The following SIGLEC15 variants were observed in gnomAD, a reference collection of about 807,000 sequenced individuals.
The protein encoded by SIGLEC15 is sialic acid-binding Ig-like lectin 15.
SIGLEC15 carries 31 observed loss-of-function variants against 26.2 expected under a neutral mutation model. That is an observed-to-expected ratio of 1.18 (90% CI 0.89 to 1.60). The LOEUF is 1.60. Among genes scored for constraint, SIGLEC15 ranks in the 40% most tolerant of loss-of-function variants. The probability of loss-of-function intolerance (pLI) is 0.00; values close to 1 mark genes in which losing one functional copy is unlikely to be tolerated. For synonymous variants in SIGLEC15, 207 were observed against 221.9 expected (o/e 0.93, Z 0.60); for missense variants, 501 against 488.4 (o/e 1.03, Z -0.24).
intron 1 of SIGLEC15, among the ~76,000 whole-genome samples, chr18:45,833,480 T>C (rs2145047839): frequency 6.6e-6 from 1 of 152,114 alleles, no homozygotes; most frequent in South Asian, 2.1e-4. Context: ...GCCTCACTTA[T>C]TTTTGTATTT....
intron 1 of SIGLEC15, among the ~76,000 whole-genome samples, chr18:45,836,138 G>T (rs893217643): frequency 6.6e-6 from 1 of 152,184 alleles, no homozygotes; most frequent in African/African-American, 2.4e-5. Flanking sequence ...TCCTGCCCAA[G>T]GAGCAAATTG....
Position 45,842,313 on chromosome 18 carries a change from C to T in SIGLEC15, c.*126C>T, listed in dbSNP as rs962921709. 3.1e-5 allele frequency: 30 copies of T among 979,264 alleles called. No homozygotes were observed. Among genetic ancestry groups the T allele is most frequent in the Non-Finnish European group, 4.1e-5 (26 of 633,138 alleles). The allele number at this position is 979,264 out of a possible 1,614,324, so 60.7% of individuals were successfully genotyped here. On this transcript the variant is annotated 3_prime_UTR_variant, in exon 6 of 6. Transcript: ENST00000389474. ...CAGCCCCCAGCTGGGTGGCTCCTCC[C>T]CTGCTCAAGGTCAAGACCCTGCTCA...
chr18:45,833,926 C>G (rs913879140), intron 1 of SIGLEC15, among the ~76,000 whole-genome samples: 1 of 151,104 alleles, frequency 6.6e-6, no homozygotes, highest in Non-Finnish European at 1.5e-5. Flanking sequence ...TGGAAAAAAA[C>G]CCATGAATCC....
At chr18:45,840,666 C>A (rs558716589) in intron 5 of SIGLEC15, among the ~76,000 whole-genome samples, 1 of 152,352 alleles carries the variant, frequency 6.6e-6, no homozygotes, top group Non-Finnish European at 1.5e-5. Flanking sequence ...CTGGGTCATA[C>A]TCTCCTCTTC....
intron 3 of SIGLEC15, among the ~76,000 whole-genome samples, chr18:45,838,286 A>C (rs1242602428): frequency 6.6e-6 from 1 of 152,154 alleles, no homozygotes; most frequent in Non-Finnish European, 1.5e-5. Context: ...CCAGGGGTGC[A>C]CAGACAGCCC....
chr18:45,829,090 C>G (rs2048210971), intron 1 of SIGLEC15: 2 of 985,864 alleles, frequency 2.0e-6, no homozygotes, highest in Non-Finnish European at 2.4e-6. Flanking sequence ...CCAGCAGAGA[C>G]AGGCTACATC....
In SIGLEC15 at chr18:45,825,795, C is replaced by T; in HGVS notation, c.52+15C>T. 6.2e-7 allele frequency: 1 copy of T among 1,614,132 alleles called. No individual in the cohort carries two copies. Among genetic ancestry groups the T allele is most frequent in the Non-Finnish European group, 8.5e-7 (1 of 1,179,940 alleles). On this transcript the variant is annotated intron_variant, in intron 1 of 5. Transcript: ENST00000389474. ...TCTCCCGACAGGTGAGTGTCTGCTACTCTCTCTGGCCCATGCTCGGGACAG... is the reference window on the plus strand; with the variant it reads ...TCTCCCGACAGGTGAGTGTCTGCTATTCTCTCTGGCCCATGCTCGGGACAG...
intron 4 of SIGLEC15, among the ~76,000 whole-genome samples, chr18:45,839,972 TGTGCTCAGG>T (rs1244377826): frequency 6.6e-6 from 1 of 152,198 alleles, no homozygotes; most frequent in Non-Finnish European, 1.5e-5. Flanking sequence ...TCAAGTGTTT[TGTGCTCAGG>T]GTGCTCAGAA....
At chr18:45,827,688 G>T (rs912515434) in intron 1 of SIGLEC15, among the ~76,000 whole-genome samples, 1 of 152,222 alleles carries the variant, frequency 6.6e-6, no homozygotes, top group African/African-American at 2.4e-5. Flanking sequence ...AAGGCCCCCA[G>T]CACAGCTCCT....
rs565774003 is a variant in SIGLEC15 at position 45,826,280 on chromosome 18, G to A, written c.52+500G>A. 2.0e-5 allele frequency among the ~76,000 whole-genome samples: 3 copies of A among 152,250 alleles called. No homozygotes were observed. The East Asian group carries it at 5.8e-4, about 29-fold the overall frequency. ...AGGCCCTCCCAGCAGGAATCCCAGT[G>A]GGTGAGTGGGAACACTGTGGCAGGT... On this transcript the variant is annotated intron_variant, in intron 1 of 5. Transcript: ENST00000389474.
intron 1 of SIGLEC15, among the ~76,000 whole-genome samples, chr18:45,826,916 T>C (rs969072135): frequency 6.6e-6 from 1 of 152,032 alleles, no homozygotes; most frequent in African/African-American, 2.4e-5. Flanking sequence ...CTCTGTTTGT[T>C]TGTTTGTTTC....
In SIGLEC15 at chr18:45,836,396, C is replaced by T. The variant is rs1200470953; in HGVS notation, c.53-633C>T. ...TTTCCTCTAAAGATCCTTTTGTGAACTGCACCCTGGGGCACCGGCTGGGCA... is the reference window on the plus strand; with the variant it reads ...TTTCCTCTAAAGATCCTTTTGTGAATTGCACCCTGGGGCACCGGCTGGGCA... On this transcript the variant is annotated intron_variant, in intron 1 of 5. Coordinates refer to ENST00000389474, the MANE Select transcript of SIGLEC15 (RefSeq NM_213602.3). 2.0e-5 allele frequency among the ~76,000 whole-genome samples: 3 copies of T among 151,250 alleles called. No individual in the cohort carries two copies. The East Asian group carries it at 5.8e-4, about 29-fold the overall frequency.
rs933245570 is a variant in SIGLEC15 at position 45,842,450 on chromosome 18, A to G, written c.*263A>G. On this transcript the variant is annotated 3_prime_UTR_variant, in exon 6 of 6. Transcript: ENST00000389474. Reference sequence around the variant, plus strand: ...GTGTGTGTGTGTGTGTGTGAGAGAGAGAGAGAGAGAGTACACGCATTAGCT... The same window carrying G: ...GTGTGTGTGTGTGTGTGTGAGAGAGGGAGAGAGAGAGTACACGCATTAGCT... 10 of 480,520 alleles carry G rather than the reference A, an allele frequency of 2.1e-5. No homozygotes were observed. Among genetic ancestry groups the G allele is most frequent in the African/African-American group, 1.9e-4 (10 of 51,604 alleles). The allele number at this position is 480,520 out of a possible 1,614,324, so 29.8% of individuals were successfully genotyped here. A position where few individuals can be genotyped will look rare whatever the true frequency, so the allele number is the denominator to read the frequency against.
intron 1 of SIGLEC15, among the ~76,000 whole-genome samples, chr18:45,833,358 C>T (rs1026831100): frequency 5.3e-5 from 8 of 151,890 alleles, no homozygotes; most frequent in African/African-American, 1.7e-4. Flanking sequence ...GCTCTGTTGC[C>T]CAGGCTGGAG....
At chr18:45,829,176 C>G (rs1040325890) in intron 1 of SIGLEC15, 3 of 984,794 alleles carry the variant, frequency 3.0e-6, no homozygotes, top group Non-Finnish European at 3.6e-6. Context: ...GCCTCTCCAT[C>G]AGCTCAGGTA....
At position 45,827,146 on chromosome 18, in the gene SIGLEC15, C is replaced by T. The variant is rs184119616; in HGVS notation, c.52+1366C>T. 2.2e-3 allele frequency among the ~76,000 whole-genome samples: 329 copies of T among 152,290 alleles called. 1 individual carries two copies. Among genetic ancestry groups the T allele is most frequent in the Non-Finnish European group, 2.5e-3 (172 of 68,028 alleles). On this transcript the variant is annotated intron_variant, in intron 1 of 5. Coordinates refer to ENST00000389474, the MANE Select transcript of SIGLEC15 (RefSeq NM_213602.3). ...GTCCAGCCTGGTCTCGAACTCCTGA[C>T]CTCAAGTGATCAGCCCGCCTTGGCC...
intron 1 of SIGLEC15, among the ~76,000 whole-genome samples, chr18:45,828,115 G>A (rs530645418): frequency 8.9e-4 from 136 of 152,292 alleles, no homozygotes; most frequent in African/African-American, 3.1e-3. Flanking sequence ...TCCAGGCCAC[G>A]GCCTGGGCAG....
intron 5 of SIGLEC15, among the ~76,000 whole-genome samples, chr18:45,841,770 T>C (rs1282326028): frequency 6.6e-6 from 1 of 151,978 alleles, no homozygotes; most frequent in Non-Finnish European, 1.5e-5. Flanking sequence ...AGATTTGAGA[T>C]TCCCACTGAG....
chr18:45,829,153 A>C (rs1264965794), intron 1 of SIGLEC15: 2 of 985,400 alleles, frequency 2.0e-6, no homozygotes, highest in Non-Finnish European at 2.4e-6. Context: ...CAGCAGGGTC[A>C]GCCTGTGGCC....
Sources: gnomAD v4.1 joint callset for allele counts (sites outside exome capture counted in the v4.1 genomes callset) on GRCh38, gnomAD v4.1.1 for gene constraint, MANE v1.5 for transcripts, NCBI Gene and HGNC (gene_info 2026-07-23, HGNC 2026-07-21) for gene names.